Variants in EXPH5 observed in about 807,000 individuals in gnomAD.
EXPH5 encodes the protein exophilin-5.
EXPH5 carries 42 observed loss-of-function variants against 41.1 expected under a neutral mutation model. That is an observed-to-expected ratio of 1.02 (90% CI 0.80 to 1.32). The LOEUF is 1.32. Ranked by LOEUF, EXPH5 falls within the 40% of genes most tolerant of loss-of-function variation. EXPH5 has a pLI of 0.00. For synonymous variants in EXPH5, 798 were observed against 833.5 expected (o/e 0.96, Z 0.73); for missense variants, 2,298 against 2,314.5 (o/e 0.99, Z 0.15).
chr11:108,560,378 C>G (rs535683968), intron 1 of EXPH5, among the ~76,000 whole-genome samples: 67 of 152,348 alleles, frequency 4.4e-4, no homozygotes, highest in African/African-American at 1.6e-3. Flanking sequence ...CAATTCCTCT[C>G]TGGCAAACAA....
intron 1 of EXPH5, among the ~76,000 whole-genome samples, chr11:108,588,041 C>T (rs1267417930): frequency 1.3e-5 from 2 of 152,218 alleles, no homozygotes; most frequent in Non-Finnish European, 2.9e-5. Context: ...GCGTGAGCCA[C>T]AGCACCTGGC....
intron 1 of EXPH5, among the ~76,000 whole-genome samples, chr11:108,570,451 C>T (rs2094055197): frequency 6.6e-6 from 1 of 151,984 alleles, no homozygotes; most frequent in Non-Finnish European, 1.5e-5. Context: ...GATGGGGTTT[C>T]ATTATGTTGG....
At chr11:108,580,774 C>T (rs1200565782) in intron 1 of EXPH5, among the ~76,000 whole-genome samples, 1 of 152,138 alleles carries the variant, frequency 6.6e-6, no homozygotes, top group Non-Finnish European at 1.5e-5. Context: ...AACTGGATGA[C>T]ATTATGTTAA....
At chr11:108,572,765 G>A (rs969405739) in intron 1 of EXPH5, among the ~76,000 whole-genome samples, 1 of 152,010 alleles carries the variant, frequency 6.6e-6, no homozygotes, top group East Asian at 1.9e-4. Flanking sequence ...CACCATGTTG[G>A]CCAGGCTGGT....
chr11:108,517,640 G>A (rs367790103), intron 5 of EXPH5, among the ~76,000 whole-genome samples: 2 of 151,744 alleles, frequency 1.3e-5, no homozygotes, highest in South Asian at 4.1e-4. Context: ...CATCATACAA[G>A]GTTAATTGTC....
Position 108,518,255 on chromosome 11 carries a change from A to G in EXPH5, c.611T>C (p.Leu204Pro). 6.2e-7 allele frequency: 1 copy of G among 1,613,544 alleles called. No homozygotes were observed. The highest frequency in any genetic ancestry group is 1.7e-4 in the Middle Eastern group (1 of 6,058). Residue 204 changes from leucine to proline, a missense_variant, in exon 5 of 6, where the codon CTG (leucine) becomes CCG (proline). Leu to Pro is a moderately conservative substitution (Grantham distance 98). Coordinates refer to ENST00000265843, the MANE Select transcript of EXPH5 (RefSeq NM_015065.3). ...GMPPPWDASL[L>P]ENEFFQVLDD... ...CTTACCTTGGAAAAACTCATTCTCC[A>G]GCAGTGAAGCATCCCACGGTGGAGG... is the stretch of plus-strand genomic sequence containing the variant.
At chr11:108,546,794 G>A (rs969108005) in intron 1 of EXPH5, among the ~76,000 whole-genome samples, 5 of 150,170 alleles carry the variant, frequency 3.3e-5, no homozygotes, top group Non-Finnish European at 5.9e-5. Flanking sequence ...AAATACTGCT[G>A]TAATAAATAT....
In EXPH5 at chr11:108,508,723, G is replaced by A. The variant is rs895818168; in HGVS notation, c.*814C>T. On this transcript the variant is annotated 3_prime_UTR_variant, in exon 6 of 6. Transcript: ENST00000265843. ...TCTGTGACCAGGCAACTTTCTGTATGGTCAGGTTGCCTGGCCTAAGTCCTT... is the reference window on the plus strand; with the variant it reads ...TCTGTGACCAGGCAACTTTCTGTATAGTCAGGTTGCCTGGCCTAAGTCCTT... 6.6e-6 allele frequency: 1 copy of A among 152,166 alleles called. No homozygotes were observed. The highest frequency in any genetic ancestry group is 2.4e-5 in the African/African-American group (1 of 41,420). 9.4% of individuals were successfully genotyped at this position (152,166 alleles called of 1,614,324 possible). A position where few individuals can be genotyped will look rare whatever the true frequency, so the allele number is the denominator to read the frequency against.
chr11:108,536,250 A>T (rs961000127), intron 3 of EXPH5, among the ~76,000 whole-genome samples: 1 of 151,410 alleles, frequency 6.6e-6, no homozygotes, highest in African/African-American at 2.4e-5. Context: ...AGCAAATCAT[A>T]TTTGAGGCAG....
chr11:108,593,345 A>C lies in EXPH5; in HGVS notation c.119+73T>G, dbSNP rs1395223185. ...CCGGGCAGGTGCCCCGCGCGAGCTC[A>C]GCGCCTTCCCCGCGGATCCCCGGCC... On this transcript the variant is annotated intron_variant, in intron 1 of 5. Transcript: ENST00000265843. The C allele has an allele frequency of 2.9e-6, 4 of 1,384,392 alleles. No homozygotes were observed. In the African/African-American group the frequency reaches 4.3e-5, roughly 15 times the overall value. The allele number at this position is 1,384,392 out of a possible 1,614,324, so 85.8% of individuals were successfully genotyped here.
chr11:108,531,879 C>T (rs2093840233), intron 3 of EXPH5, among the ~76,000 whole-genome samples: 1 of 152,190 alleles, frequency 6.6e-6, no homozygotes, highest in Non-Finnish European at 1.5e-5. Flanking sequence ...CCCTCTCAAA[C>T]CCATCCACAT....
At chr11:108,537,649 C>T (rs184325078) in intron 3 of EXPH5, among the ~76,000 whole-genome samples, 55 of 152,314 alleles carry the variant, frequency 3.6e-4, no homozygotes, top group Admixed American at 9.8e-4. Context: ...GATTATAGAT[C>T]TATATCTTCT....
intron 2 of EXPH5, 96 bp downstream of exon 2, chr11:108,541,556 T>G: frequency 1.4e-6 from 1 of 720,798 alleles, no homozygotes; most frequent in Non-Finnish European, 2.2e-6. Context: ...GTTCTAAACA[T>G]GGATTGGTTA....
intron 4 of EXPH5, among the ~76,000 whole-genome samples, chr11:108,520,486 T>C (rs952707580): frequency 2.8e-4 from 42 of 152,290 alleles, no homozygotes; most frequent in African/African-American, 1.0e-3. Flanking sequence ...AAAAAACCTA[T>C]TGCTAGTTTT....
At chr11:108,579,434 C>T (rs2094090887) in intron 1 of EXPH5, among the ~76,000 whole-genome samples, 1 of 151,570 alleles carries the variant, frequency 6.6e-6, no homozygotes, top group Non-Finnish European at 1.5e-5. Flanking sequence ...GTTATTTTTG[C>T]ATTGATGTTT....
intron 4 of EXPH5, among the ~76,000 whole-genome samples, chr11:108,524,485 C>A (rs1439886980): frequency 6.6e-6 from 1 of 152,156 alleles, no homozygotes; most frequent in East Asian, 1.9e-4. Context: ...GGATGAGAGG[C>A]CATTGCAAAA....
chr11:108,553,148 G>A (rs371600703), intron 1 of EXPH5, among the ~76,000 whole-genome samples: 2 of 152,100 alleles, frequency 1.3e-5, no homozygotes, highest in Admixed American at 6.6e-5. Flanking sequence ...GCAGTGAGCC[G>A]AGATCATGCC....
intron 1 of EXPH5, among the ~76,000 whole-genome samples, chr11:108,553,367 C>T (rs2093976368): frequency 6.6e-6 from 1 of 152,090 alleles, no homozygotes; most frequent in Admixed American, 6.5e-5. Flanking sequence ...CAATAGTCAC[C>T]CTTTACCAAT....
chr11:108,590,709 C>T (rs187749783), intron 1 of EXPH5, among the ~76,000 whole-genome samples: 1 of 152,248 alleles, frequency 6.6e-6, no homozygotes, highest in East Asian at 1.9e-4. Context: ...TGGAGTGGAA[C>T]AATCATAGTT....
Sources: allele counts gnomAD v4.1 joint callset (sites outside exome capture counted in the v4.1 genomes callset), GRCh38; gene constraint gnomAD v4.1.1; transcripts MANE v1.5; gene names NCBI Gene and HGNC (gene_info 2026-07-23, HGNC 2026-07-21).